SOX13: variants seen among roughly 807,000 people sequenced by gnomAD.
SOX13 encodes the protein transcription factor SOX-13.
In SOX13, 28 loss-of-function variants were observed where a neutral mutation model predicts 71.8. That is an observed-to-expected ratio of 0.39 (90% CI 0.29 to 0.53). The LOEUF (loss-of-function observed/expected upper bound fraction) is 0.53, where lower values mean the gene tolerates loss of function less well. SOX13 is among the 20% of genes least tolerant of loss of function. The pLI is 0.70. For synonymous variants in SOX13, 309 were observed against 317.8 expected (o/e 0.97, Z 0.29); for missense variants, 627 against 810.3 (o/e 0.77, Z 2.75).
intron 1 of SOX13, among the ~76,000 whole-genome samples, chr1:204,075,001 G>A (rs1252753946): frequency 6.6e-6 from 1 of 152,128 alleles, no homozygotes; most frequent in African/African-American, 2.4e-5. Context: ...AGACGATGCT[G>A]CTGGCTCTTG....
intron 1 of SOX13, among the ~76,000 whole-genome samples, chr1:204,094,789 C>T (rs1486975358): frequency 1.3e-5 from 2 of 152,140 alleles, no homozygotes. Flanking sequence ...ATAATTTTTG[C>T]CAGTAAAGCA....
intron 1 of SOX13, among the ~76,000 whole-genome samples, chr1:204,079,142 C>G (rs1309409250): frequency 1.3e-5 from 2 of 151,878 alleles, no homozygotes; most frequent in African/African-American, 2.4e-5. Flanking sequence ...ACTAGAAATA[C>G]AAAAAATTAG....
intron 4 of SOX13, chr1:204,116,173 G>A: frequency 5.5e-6 from 7 of 1,275,954 alleles, no homozygotes; most frequent in Non-Finnish European, 7.1e-6. Flanking sequence ...CGATGGGATG[G>A]TTGTCCACCC....
intron 4 of SOX13, 87 bp downstream of exon 4, chr1:204,114,692 T>C: frequency 1.0e-6 from 1 of 1,001,966 alleles, no homozygotes; most frequent in Non-Finnish European, 1.6e-6. Context: ...TGTAGGGCAG[T>C]TCTTGGTACA....
intron 1 of SOX13, among the ~76,000 whole-genome samples, chr1:204,079,178 G>A (rs981653673): frequency 4.6e-5 from 7 of 151,894 alleles, no homozygotes; most frequent in African/African-American, 1.7e-4. Flanking sequence ...TGTGCCTGTA[G>A]TCCCAGCTGC....
intron 7 of SOX13, chr1:204,119,675 T>G (rs1656763617): frequency 6.6e-6 from 1 of 152,216 alleles, no homozygotes. Flanking sequence ...CTTAACTTGT[T>G]CCAGCATCAG....
chr1:204,111,985 G>A (rs1571586324), intron 1 of SOX13, among the ~76,000 whole-genome samples: 1 of 152,186 alleles, frequency 6.6e-6, no homozygotes. Context: ...TTTTTGAGGA[G>A]TAGTAGGAGT....
At chr1:204,093,511 C>T (rs956905715) in intron 1 of SOX13, among the ~76,000 whole-genome samples, 9 of 152,272 alleles carry the variant, frequency 5.9e-5, no homozygotes, top group Middle Eastern at 3.4e-3. Context: ...GAAGTGAAGG[C>T]GGTGGCATGG....
chr1:204,124,519 G>A, intron 12 of SOX13, 122 bp from the exon 13 acceptor site: 1 of 779,862 alleles, frequency 1.3e-6, no homozygotes, highest in Non-Finnish European at 2.1e-6. Context: ...CTTGCTAAGT[G>A]CTTGCACATA....
intron 13 of SOX13, among the ~76,000 whole-genome samples, chr1:204,125,271 A>G (rs1208422291): frequency 6.6e-6 from 1 of 152,214 alleles, no homozygotes; most frequent in Non-Finnish European, 1.5e-5. Flanking sequence ...GGCATTTAAA[A>G]TATACAATTT....
intron 1 of SOX13, among the ~76,000 whole-genome samples, chr1:204,095,083 G>A (rs1656224509): frequency 1.3e-5 from 2 of 152,162 alleles, no homozygotes; most frequent in African/African-American, 2.4e-5. Context: ...GGCGGGGAGG[G>A]CATCAGGAGT....
rs759643493 is a variant in SOX13 at position 204,123,002 on chromosome 1, A to G, written c.1134+39A>G. 6.6e-7 allele frequency: 1 copy of G among 1,516,704 alleles called. No homozygotes were observed. The highest frequency in any genetic ancestry group is 9.1e-7 in the Non-Finnish European group (1 of 1,098,702). 94.0% of individuals were successfully genotyped at this position (1,516,704 alleles called of 1,614,324 possible). A position where few individuals can be genotyped will look rare whatever the true frequency, so the allele number is the denominator to read the frequency against. On this transcript the variant is annotated intron_variant, in intron 10 of 13. Transcript: ENST00000367204. This position sits in a 1 kb window ranked among gnomAD's most constrained non-coding sequence, Gnocchi z 5.0. ...CTCCCTTGAGCCTAGGGGCAGCAAC[A>G]GATGGTGGCCAGGAGTGGAAGACAC...
intron 1 of SOX13, among the ~76,000 whole-genome samples, chr1:204,107,700 C>T (rs982677854): frequency 4.6e-5 from 7 of 152,116 alleles, no homozygotes; most frequent in African/African-American, 1.7e-4. Context: ...CCCTCTCCCC[C>T]AAAGGTGAGA....
intron 1 of SOX13, among the ~76,000 whole-genome samples, chr1:204,111,480 C>T (rs1656578626): frequency 6.6e-6 from 1 of 152,164 alleles, no homozygotes; most frequent in African/African-American, 2.4e-5. Flanking sequence ...GAAACCACTC[C>T]CTGAGATGCT....
At chr1:204,090,674 G>A (rs1005323873) in intron 1 of SOX13, among the ~76,000 whole-genome samples, 3 of 152,082 alleles carry the variant, frequency 2.0e-5, no homozygotes, top group African/African-American at 7.2e-5. Context: ...GCCTCCCAAA[G>A]TGCTGGGATT....
At chr1:204,112,809 C>A (rs1254288316) in intron 1 of SOX13, 106 bp from the exon 2 acceptor site, 3 of 822,270 alleles carry the variant, frequency 3.6e-6, no homozygotes, top group Non-Finnish European at 5.7e-6. Flanking sequence ...TGACAGGCAC[C>A]AGGAGGCACT....
In SOX13 at chr1:204,127,719, A is replaced by C. The variant is rs1406039894; in HGVS notation, c.*1585A>C. 6.6e-6 allele frequency: 1 copy of C among 152,628 alleles called. No individual in the cohort carries two copies. Among genetic ancestry groups the C allele is most frequent in the Non-Finnish European group, 1.5e-5 (1 of 68,038 alleles). The allele number at this position is 152,628 out of a possible 1,614,324, so 9.5% of individuals were successfully genotyped here. A position where few individuals can be genotyped will look rare whatever the true frequency, so the allele number is the denominator to read the frequency against. On this transcript the variant is annotated 3_prime_UTR_variant, in exon 14 of 14. Coordinates refer to ENST00000367204, the MANE Select transcript of SOX13 (RefSeq NM_005686.3). The stretch of plus-strand genomic sequence containing the variant: ...GGGGATTTTTTTGTTTTCTGATGAC[A>C]TAATAAAGACAGATCATTTCAGAAT...
rs181370339 is a variant in SOX13, at chr1:204,097,454, G to C, written c.-1-15461G>C. 2.0e-3 allele frequency among the ~76,000 whole-genome samples: 298 copies of C among 152,264 alleles called. 7 individuals carry two copies. In the East Asian group the frequency reaches 0.047, roughly 24 times the overall value. On this transcript the variant is annotated intron_variant, in intron 1 of 13. Coordinates refer to ENST00000367204, the MANE Select transcript of SOX13 (RefSeq NM_005686.3). The stretch of plus-strand genomic sequence containing the variant: ...TTCCTGTAATCCCAGCACTTTGGGA[G>C]GCCGAGGTGGGTGGATCACCTGAGG...
intron 7 of SOX13, chr1:204,118,983 T>G (rs1275451392): frequency 6.6e-6 from 1 of 152,150 alleles, no homozygotes; most frequent in Admixed American, 6.5e-5. Context: ...CAGAGAGTTA[T>G]GGGGACAGGG....
Sources: gnomAD v4.1 joint callset for allele counts (sites outside exome capture counted in the v4.1 genomes callset) on GRCh38, gnomAD v4.1.1 for gene constraint, Gnocchi (gnomAD v3.1) non-coding constraint, MANE v1.5 for transcripts, NCBI Gene and HGNC (gene_info 2026-07-23, HGNC 2026-07-21) for gene names.